The following IMPG2 variants were observed in gnomAD, a reference collection of about 807,000 sequenced individuals.
The protein encoded by IMPG2 is IPM 200.
In IMPG2, 91 loss-of-function variants were observed where a neutral mutation model predicts 129.2. The ratio of observed to expected loss-of-function variants is 0.70; its 90% CI spans 0.59 to 0.84. The LOEUF is 0.84. Among genes scored for constraint, IMPG2 ranks in the 40% least tolerant of loss-of-function variants. IMPG2 has a pLI of 0.00. For synonymous variants in IMPG2, 510 were observed against 517.7 expected (o/e 0.99, Z 0.20); for missense variants, 1,430 against 1,461.7 (o/e 0.98, Z 0.35).
chr3:101,224,144 CAAAT>C lies in IMPG2; in HGVS notation c.*2821_*2824del, dbSNP rs1330246284. ...TGGGTGACAGAGCGAGACTCCATCT[CAAAT>C]AATAATAGTGATAAAAATGGGACTT... On this transcript the variant is annotated 3_prime_UTR_variant, in exon 19 of 19. Transcript: ENST00000193391. The C allele has an allele frequency of 2.0e-5, 3 of 152,210 alleles. No homozygotes were observed. Among genetic ancestry groups the C allele is most frequent in the African/African-American group, 7.2e-5 (3 of 41,520 alleles). The allele number at this position is 152,210 out of a possible 1,614,324, so 9.4% of individuals were successfully genotyped here.
intron 4 of IMPG2, among the ~76,000 whole-genome samples, chr3:101,285,761 T>C (rs1331642721): frequency 6.6e-6 from 1 of 152,170 alleles, no homozygotes; most frequent in Non-Finnish European, 1.5e-5. Context: ...TACAGAAAAG[T>C]TCATTATATC....
intron 13 of IMPG2, among the ~76,000 whole-genome samples, chr3:101,243,270 G>T (rs1047783297): frequency 6.6e-6 from 1 of 152,172 alleles, no homozygotes. Context: ...CAAACTTACT[G>T]TAGTCCCATA....
chr3:101,255,377 T>C (rs1021140274), intron 10 of IMPG2, among the ~76,000 whole-genome samples: 2 of 152,126 alleles, frequency 1.3e-5, no homozygotes, highest in African/African-American at 2.4e-5. Flanking sequence ...TCTAAGAAAG[T>C]TGTTTACCTC....
intron 4 of IMPG2, among the ~76,000 whole-genome samples, chr3:101,287,036 A>C (rs1706952886): frequency 6.6e-6 from 1 of 152,218 alleles, no homozygotes; most frequent in Admixed American, 6.5e-5. Context: ...TCTTAGCAGG[A>C]AAAAAGCACA....
At chr3:101,240,735 G>A (rs1196724391) in intron 14 of IMPG2, among the ~76,000 whole-genome samples, 1 of 152,184 alleles carries the variant, frequency 6.6e-6, no homozygotes, top group African/African-American at 2.4e-5. Context: ...TGGCCTTAGA[G>A]AACTCAAGTG....
chr3:101,270,917 A>ACAAAG (rs1474621706), intron 7 of IMPG2, among the ~76,000 whole-genome samples: 2 of 152,222 alleles, frequency 1.3e-5, no homozygotes, highest in Non-Finnish European at 1.5e-5. Flanking sequence ...CAACATCAGA[A>ACAAAG]CAAAGGAAAT....
intron 3 of IMPG2, among the ~76,000 whole-genome samples, chr3:101,300,697 G>A (rs1707131395): frequency 6.6e-6 from 1 of 152,220 alleles, no homozygotes; most frequent in South Asian, 2.1e-4. Flanking sequence ...CAGTTCTGAT[G>A]ACAAAACCTG....
intron 3 of IMPG2, among the ~76,000 whole-genome samples, chr3:101,296,050 T>G: frequency 6.6e-6 from 1 of 152,240 alleles, no homozygotes; most frequent in Non-Finnish European, 1.5e-5. Flanking sequence ...GAATACCATT[T>G]ATTTCTTTCT....
Position 101,232,769 on chromosome 3 carries a change from A to C in IMPG2, c.3233+12T>G, listed in dbSNP as rs1432310966. 6.2e-7 allele frequency: 1 copy of C among 1,611,608 alleles called. No individual in the cohort carries two copies. Among genetic ancestry groups the C allele is most frequent in the East Asian group, 2.2e-5 (1 of 44,808 alleles). ...ATAGCCTCTAAAGTCAAAATCTGTAACTACAACATACCTACAAATGGCCCC... is the reference window on the plus strand; with the variant it reads ...ATAGCCTCTAAAGTCAAAATCTGTACCTACAACATACCTACAAATGGCCCC... On this transcript the variant is annotated intron_variant, in intron 15 of 18. Coordinates refer to ENST00000193391, the MANE Select transcript of IMPG2 (RefSeq NM_016247.4).
At chr3:101,270,739 G>A (rs1706773833) in intron 7 of IMPG2, among the ~76,000 whole-genome samples, 1 of 152,074 alleles carries the variant, frequency 6.6e-6, no homozygotes, top group African/African-American at 2.4e-5. Flanking sequence ...GGCGGAGCTT[G>A]CAGTGAGCCG....
chr3:101,273,727 C>G lies in IMPG2; in HGVS notation c.682G>C (p.Glu228Gln), dbSNP rs1203733524. 6.2e-7 allele frequency: 1 copy of G among 1,613,920 alleles called. No homozygotes were observed. The highest frequency in any genetic ancestry group is 1.3e-5 in the African/African-American group (1 of 74,918). The stretch of plus-strand genomic sequence containing the variant: ...TTTGTGGCTTCTTCTATCACATTCT[C>G]AATTTCATTGCTAATCTGAATTTTT... ...RPEESISNEI[E>Q]NVIEEATKPA... is the part of the protein sequence containing the mutation. Residue 228 changes from glutamate to glutamine, a missense_variant, in exon 7 of 19, where the codon GAG becomes CAG. Coordinates refer to ENST00000193391, the MANE Select transcript of IMPG2 (RefSeq NM_016247.4).
In IMPG2 at chr3:101,244,613, G is replaced by C; in HGVS notation, c.1718C>G (p.Thr573Ser). ...SSIPFGLDSL[T>S]SKVKDQLKVS... ...TTTTAATTGGTCTTTGACTTTGGAGGTCAAGGAGTCCAAGCCAAAAGGTAT... is the reference window on the plus strand; with the variant it reads ...TTTTAATTGGTCTTTGACTTTGGAGCTCAAGGAGTCCAAGCCAAAAGGTAT... Residue 573 changes from threonine (T) to serine (S), a missense_variant, in exon 13 of 19, where the codon ACC becomes AGC. Coordinates refer to ENST00000193391, the MANE Select transcript of IMPG2 (RefSeq NM_016247.4). 1.2e-6 allele frequency: 2 copies of C among 1,601,170 alleles called. No individual in the cohort carries two copies. Among genetic ancestry groups the C allele is most frequent in the Non-Finnish European group, 1.7e-6 (2 of 1,173,912 alleles).
Position 101,272,870 on chromosome 3 carries a change from G to A in IMPG2, c.828+711C>T, listed in dbSNP as rs348865. Among the ~76,000 whole-genome samples, 401 of 152,292 alleles carry A rather than the reference G, an allele frequency of 2.6e-3. 1 individual carries two copies. The highest frequency in any genetic ancestry group is 8.7e-3 in the African/African-American group (360 of 41,556). On this transcript the variant is annotated intron_variant, in intron 7 of 18. Coordinates refer to ENST00000193391, the MANE Select transcript of IMPG2 (RefSeq NM_016247.4). ...CAAGAAGGAATGGGAAAAAATAAACGAAGGAATGATGTGCCCTGTCATCTG... is the reference window on the plus strand; with the variant it reads ...CAAGAAGGAATGGGAAAAAATAAACAAAGGAATGATGTGCCCTGTCATCTG...
chr3:101,262,957 G>A (rs1449359521), intron 9 of IMPG2, among the ~76,000 whole-genome samples: 1 of 151,566 alleles, frequency 6.6e-6, no homozygotes, highest in Non-Finnish European at 1.5e-5. Flanking sequence ...GACAAAGAAG[G>A]ACATTGTATA....
chr3:101,291,059 A>G (rs1381422548), intron 4 of IMPG2, among the ~76,000 whole-genome samples: 1 of 152,194 alleles, frequency 6.6e-6, no homozygotes, highest in Non-Finnish European at 1.5e-5. Context: ...AGGTTATGCT[A>G]TTCCTATGTT....
chr3:101,251,504 G>A (rs145471514), intron 11 of IMPG2, among the ~76,000 whole-genome samples: 21 of 152,192 alleles, frequency 1.4e-4, no homozygotes, highest in East Asian at 7.7e-4. Flanking sequence ...AGATGTTCCC[G>A]TAGTAACAAA....
chr3:101,314,678 T>C (rs1268842834), intron 2 of IMPG2, among the ~76,000 whole-genome samples: 2 of 152,138 alleles, frequency 1.3e-5, no homozygotes, highest in Non-Finnish European at 2.9e-5. Flanking sequence ...TTTTAATTAT[T>C]GTGGTTAATA....
chr3:101,239,487 G>C (rs998948521), intron 14 of IMPG2, among the ~76,000 whole-genome samples: 1 of 152,202 alleles, frequency 6.6e-6, no homozygotes. Flanking sequence ...CTGTTGGTGG[G>C]AGTGTAAATT....
At chr3:101,319,468 T>G (rs1345674062) in intron 2 of IMPG2, 116 bp downstream of exon 2, 1 of 1,208,782 alleles carries the variant, frequency 8.3e-7, no homozygotes, top group African/African-American at 1.5e-5. Context: ...AGAAAGGTAG[T>G]TTTGGCTCAG....
Sources: allele counts gnomAD v4.1 joint callset (sites outside exome capture counted in the v4.1 genomes callset), GRCh38; gene constraint gnomAD v4.1.1; transcripts MANE v1.5; gene names NCBI Gene and HGNC (gene_info 2026-07-23, HGNC 2026-07-21).